The following POLQ variants were observed in gnomAD, a reference collection of about 807,000 sequenced individuals.
POLQ encodes DNA polymerase theta.
In POLQ, 233 loss-of-function variants were observed where a neutral mutation model predicts 259.2. The observed-to-expected ratio is 0.90, with a 90% confidence interval of 0.81 to 1.00. The LOEUF is 1.00. POLQ is among the 50% of genes least tolerant of loss of function. The pLI, the probability that POLQ is intolerant of heterozygous loss-of-function variation, is 0.00. For synonymous variants in POLQ, 1,025 were observed against 1,048.8 expected (o/e 0.98, Z 0.44); for missense variants, 2,871 against 3,051.6 (o/e 0.94, Z 1.39).
chr3:121,470,019 A>G (rs966523852), intron 22 of POLQ, among the ~76,000 whole-genome samples: 4 of 152,200 alleles, frequency 2.6e-5, no homozygotes, highest in Admixed American at 2.6e-4. Flanking sequence ...TGAAAATTCT[A>G]GGTTGCTGGG....
chr3:121,446,227 T>C (rs1002566805), intron 26 of POLQ, among the ~76,000 whole-genome samples: 15 of 152,232 alleles, frequency 9.9e-5, no homozygotes, highest in African/African-American at 2.9e-4. Context: ...TATTGTTTAA[T>C]TTCCATGTTT....
chr3:121,478,859 G>A (rs1282831544), intron 19 of POLQ, among the ~76,000 whole-genome samples: 2 of 152,010 alleles, frequency 1.3e-5, no homozygotes, highest in Non-Finnish European at 2.9e-5. Context: ...CTAATAAAGT[G>A]GCCTCAAAAC....
chr3:121,513,010 C>T (rs573862494), intron 9 of POLQ, among the ~76,000 whole-genome samples: 124 of 152,216 alleles, frequency 8.1e-4, no homozygotes, highest in African/African-American at 2.9e-3. Flanking sequence ...TGAACAAATA[C>T]AAACTATTAT....
chr3:121,441,463 T>A (rs2047592009), intron 26 of POLQ, among the ~76,000 whole-genome samples: 1 of 152,230 alleles, frequency 6.6e-6, no homozygotes, highest in Non-Finnish European at 1.5e-5. Flanking sequence ...TGTTCATGAA[T>A]ATCATACAAA....
At chr3:121,518,718 CTAA>C (rs796825895) in intron 9 of POLQ, among the ~76,000 whole-genome samples, 6 of 151,806 alleles carry the variant, frequency 4.0e-5, no homozygotes, top group African/African-American at 1.4e-4. Flanking sequence ...CCTGGATTTC[CTAA>C]TTTCTCTTCA....
intron 24 of POLQ, among the ~76,000 whole-genome samples, chr3:121,460,882 A>G (rs544815034): frequency 6.6e-6 from 1 of 152,354 alleles, no homozygotes; most frequent in South Asian, 2.1e-4. Flanking sequence ...TTAAAAAAAT[A>G]AAAGCAGGGT....
At chr3:121,460,863 A>G (rs187059235) in intron 24 of POLQ, among the ~76,000 whole-genome samples, 2 of 152,358 alleles carry the variant, frequency 1.3e-5, no homozygotes, top group Admixed American at 1.3e-4. Context: ...TGACAAAACA[A>G]AAACAAAGTT....
intron 24 of POLQ, among the ~76,000 whole-genome samples, chr3:121,464,972 A>G (rs1038552332): frequency 6.6e-6 from 1 of 152,242 alleles, no homozygotes; most frequent in Non-Finnish European, 1.5e-5. Flanking sequence ...TTTCTGCTTC[A>G]AAGTCAAATT....
At chr3:121,482,737 G>A (rs2047980983) in intron 18 of POLQ, among the ~76,000 whole-genome samples, 1 of 151,560 alleles carries the variant, frequency 6.6e-6, no homozygotes, top group African/African-American at 2.4e-5. Flanking sequence ...TTAGAATAAG[G>A]GAATCTAAGC....
chr3:121,489,053 T>C lies in POLQ; in HGVS notation c.3878A>G (p.Glu1293Gly). The change falls in exon 16 of 30, where the codon GAA becomes GGA. Residue 1293 changes from glutamate (E) to glycine (G), a missense_variant. Around this residue, in one of 3 missense-constraint regions of POLQ, gnomAD observed 2,080 missense variants for 2,126.0 expected, o/e 0.98. Transcript: ENST00000264233. ...GTTTGTTGTATAAGTACCTGTTTTT[T>C]CTTGTAGTCTAGAAATATTTAGAAA... ...ENFLNISRLQ[E>G]KTGTYTTNKT... 1.9e-6 allele frequency: 3 copies of C among 1,613,468 alleles called. No individual in the cohort carries two copies. The highest frequency in any genetic ancestry group is 1.7e-6 in the Non-Finnish European group (2 of 1,179,556).
intron 4 of POLQ, 134 bp downstream of exon 4, chr3:121,539,299 T>C (rs1000692943): frequency 3.0e-6 from 2 of 663,354 alleles, no homozygotes; most frequent in African/African-American, 3.6e-5. Flanking sequence ...ACATTACAGA[T>C]GCCAATCCTT....
intron 17 of POLQ, among the ~76,000 whole-genome samples, chr3:121,484,751 A>T (rs2047997811): frequency 6.6e-6 from 1 of 152,022 alleles, no homozygotes; most frequent in African/African-American, 2.4e-5. Flanking sequence ...AAAAATACAA[A>T]ATTAGCCGGC....
rs1363804079 is a variant in POLQ at position 121,487,793 on chromosome 3, T to C, written c.5138A>G (p.Asn1713Ser). 4 of 1,610,274 alleles carry C rather than the reference T, an allele frequency of 2.5e-6. No homozygotes were observed. Among genetic ancestry groups the C allele is most frequent in the Non-Finnish European group, 3.4e-6 (4 of 1,178,600 alleles). The change falls in exon 16 of 30, where the codon AAT becomes AGT. Residue 1713 changes from asparagine to serine, a missense_variant. Physicochemically the swap from Asn to Ser is conservative, Grantham distance 46. Transcript: ENST00000264233. ...TAAGAGGGATGAGGTTTCATCATGATTGGCATTGTTTTCTAGCATCTCAAT... is the reference window on the plus strand; with the variant it reads ...TAAGAGGGATGAGGTTTCATCATGACTGGCATTGTTTTCTAGCATCTCAAT... The part of the protein sequence containing the change: ...SKIEMLENNA[N>S]HDETSSLLPR...
intron 15 of POLQ, 124 bp from the exon 16 acceptor site, chr3:121,490,532 T>C (rs1202588078): frequency 1.3e-6 from 1 of 776,716 alleles, no homozygotes; most frequent in Non-Finnish European, 2.1e-6. Context: ...GAGAGAGAAA[T>C]GTATCTGCTC....
chr3:121,542,396 AG>A (rs1291084949), intron 2 of POLQ, among the ~76,000 whole-genome samples: 2 of 152,188 alleles, frequency 1.3e-5, no homozygotes, highest in Admixed American at 1.3e-4. Context: ...TTCCAAAAAA[AG>A]AAAAAAGAAA....
Position 121,487,337 on chromosome 3 carries a change from G to A in POLQ, c.5594C>T (p.Ser1865Phe). 6.2e-7 allele frequency: 1 copy of A among 1,608,400 alleles called. No individual in the cohort carries two copies. The highest frequency in any genetic ancestry group is 8.5e-7 in the Non-Finnish European group (1 of 1,177,960). The change falls in exon 16 of 30, where the codon TCT (serine) becomes TTT (phenylalanine). Residue 1865 changes from serine to phenylalanine, a missense_variant. Transcript: ENST00000264233. ...CCTACTGCCAATAGTAGCAGTTTTAGAAGATGTCAAACTTCTAATCTTTTC... is the reference window on the plus strand; with the variant it reads ...CCTACTGCCAATAGTAGCAGTTTTAAAAGATGTCAAACTTCTAATCTTTTC... ...ACEKIRSLTS[S>F]KTATIGSRFK...
intron 7 of POLQ, among the ~76,000 whole-genome samples, chr3:121,527,745 G>A (rs937579275): frequency 1.4e-4 from 22 of 152,084 alleles, no homozygotes; most frequent in South Asian, 6.2e-4. Flanking sequence ...CTGCTTCTTC[G>A]GAACACTTCC....
chr3:121,529,584 T>C (rs2048396156), intron 7 of POLQ, 61 bp downstream of exon 7: 2 of 1,487,720 alleles, frequency 1.3e-6, no homozygotes, highest in African/African-American at 2.8e-5. Context: ...ATATAATCAC[T>C]ACCATTACTT....
rs1183940125 is a variant in POLQ, at chr3:121,489,394, G to A, written c.3537C>T (p.Asn1179=). Residue 1179 remains asparagine (N), a synonymous_variant, in exon 16 of 30, where the codon AAC becomes AAT. Transcript: ENST00000264233. The part of the protein sequence containing the change: ...NEVLIQNGSK[N]QNVYMKHHDI... Reference sequence around the variant, plus strand: ...CATGGTGTTTCATATAAACATTCTGGTTTTTTGAACCATTTTGTATCAGCA... The same window carrying A: ...CATGGTGTTTCATATAAACATTCTGATTTTTTGAACCATTTTGTATCAGCA... 2 of 1,613,340 alleles carry A rather than the reference G, an allele frequency of 1.2e-6. No homozygotes were observed. The highest frequency in any genetic ancestry group is 1.3e-5 in the African/African-American group (1 of 74,866).
Sources: gnomAD v4.1 joint callset for allele counts (sites outside exome capture counted in the v4.1 genomes callset) on GRCh38, gnomAD v4.1.1 for gene constraint, gnomAD v4.1.1 regional missense constraint, MANE v1.5 for transcripts, NCBI Gene and HGNC (gene_info 2026-07-23, HGNC 2026-07-21) for gene names.